The following SLC35F3 variants were observed in gnomAD, a reference collection of about 807,000 sequenced individuals.
SLC35F3 encodes putative thiamine transporter SLC35F3.
Under a neutral mutation model 49.9 loss-of-function variants are expected in SLC35F3, and 25 were observed. The observed-to-expected ratio is 0.50, with a 90% CI of 0.37 to 0.70. The LOEUF (loss-of-function observed/expected upper bound fraction) is 0.70. SLC35F3 is among the 30% of genes least tolerant of loss of function. The pLI is 0.00. For synonymous variants in SLC35F3, 275 were observed against 265.4 expected, an observed-to-expected ratio of 1.04 and a Z score of -0.35; for missense variants, 525 against 639.8, an observed-to-expected ratio of 0.82 and a Z score of 1.94.
intron 2 of SLC35F3, among the ~76,000 whole-genome samples, chr1:234,176,020 G>A (rs557372957): frequency 2.0e-5 from 3 of 152,302 alleles, no homozygotes; most frequent in African/African-American, 7.2e-5. Flanking sequence ...CCTCAAAAGT[G>A]CTTGCCAACA....
At chr1:233,990,114 A>G (rs1368851857) in intron 2 of SLC35F3, among the ~76,000 whole-genome samples, 1 of 152,200 alleles carries the variant, frequency 6.6e-6, no homozygotes, top group Non-Finnish European at 1.5e-5. Flanking sequence ...TTGTACTAGT[A>G]ATAAAGAAAA....
intron 2 of SLC35F3, among the ~76,000 whole-genome samples, chr1:233,982,993 G>C (rs534970067): frequency 6.6e-6 from 1 of 152,146 alleles, no homozygotes; most frequent in Non-Finnish European, 1.5e-5. Flanking sequence ...AGGAGCAGGC[G>C]CGTGCCAGGT....
chr1:234,247,946 C>T (rs1667667856), intron 3 of SLC35F3, among the ~76,000 whole-genome samples: 1 of 152,124 alleles, frequency 6.6e-6, no homozygotes, highest in Non-Finnish European at 1.5e-5. Flanking sequence ...TTGGTTGGTC[C>T]ATTGCTTGGT....
intron 2 of SLC35F3, among the ~76,000 whole-genome samples, chr1:234,177,399 C>T (rs1001349599): frequency 6.6e-6 from 1 of 152,178 alleles, no homozygotes; most frequent in Non-Finnish European, 1.5e-5. Context: ...GAGGGAAGCA[C>T]CTCCAAGCCA....
Position 234,323,310 on chromosome 1 carries a change from G to T in SLC35F3, c.*67G>T. 1 of 1,419,478 alleles carries T rather than the reference G, an allele frequency of 7.0e-7. No individual in the cohort carries two copies. The highest frequency in any genetic ancestry group is 1.2e-5 in the South Asian group (1 of 80,732). The allele number at this position is 1,419,478 out of a possible 1,614,324, so 87.9% of individuals were successfully genotyped here. ...ATTCCTGCCGGGAGGAACCTCAGTT[G>T]GGTAAGGTGTACATACCTGTACAGT... On this transcript the variant is annotated 3_prime_UTR_variant, in exon 8 of 8. Coordinates refer to ENST00000366618, the MANE Select transcript of SLC35F3 (RefSeq NM_173508.4). This position sits in a 1 kb window ranked among gnomAD's most constrained non-coding sequence, Gnocchi z 4.5.
intron 2 of SLC35F3, among the ~76,000 whole-genome samples, chr1:234,015,599 A>G (rs1396186580): frequency 1.3e-5 from 2 of 152,188 alleles, no homozygotes; most frequent in African/African-American, 4.8e-5. Flanking sequence ...GGAAAACTGG[A>G]TATCTACATG....
chr1:234,112,617 G>A (rs1025585391), intron 2 of SLC35F3, among the ~76,000 whole-genome samples: 1 of 139,948 alleles, frequency 7.1e-6, no homozygotes, highest in African/African-American at 2.6e-5. Context: ...GTGCAGTGCC[G>A]CTATCTCGGC....
chr1:234,231,778 G>C lies in SLC35F3; in HGVS notation c.608+37G>C, dbSNP rs1044645451. Reference sequence around the variant, plus strand: ...CTGCATGAGGAGGCCTCCTGACCCCGGGCTGCTCCATCCAGCGCTGACTCT... The same window carrying C: ...CTGCATGAGGAGGCCTCCTGACCCCCGGCTGCTCCATCCAGCGCTGACTCT... On this transcript the variant is annotated intron_variant, in intron 3 of 7. Coordinates refer to ENST00000366618, the MANE Select transcript of SLC35F3 (RefSeq NM_173508.4). This position sits in a 1 kb window ranked among gnomAD's most constrained non-coding sequence, Gnocchi z 5.4. 1.9e-6 allele frequency: 3 copies of C among 1,560,948 alleles called. No individual in the cohort carries two copies. Among genetic ancestry groups the C allele is most frequent in the Non-Finnish European group, 1.7e-6 (2 of 1,147,784 alleles).
chr1:234,202,188 G>A (rs1036647917), intron 2 of SLC35F3, among the ~76,000 whole-genome samples: 23 of 152,160 alleles, frequency 1.5e-4, no homozygotes, highest in African/African-American at 5.3e-4. Context: ...CTTATAAGTC[G>A]GAACTGAATG....
rs616215 is a variant in SLC35F3, at chr1:234,226,958, C to T, written c.284-4459C>T. On this transcript the variant is annotated intron_variant, in intron 2 of 7. Coordinates refer to ENST00000366618, the MANE Select transcript of SLC35F3 (RefSeq NM_173508.4). ...CCCCCTGCACTGGCGTGCGCGCACGCGTGCACACACACACACACACACACA... is the reference window on the plus strand; with the variant it reads ...CCCCCTGCACTGGCGTGCGCGCACGTGTGCACACACACACACACACACACA... 6.5e-3 allele frequency among the ~76,000 whole-genome samples: 904 copies of T among 139,008 alleles called. 9 individuals carry two copies. Among genetic ancestry groups the T allele is most frequent in the African/African-American group, 0.021 (755 of 35,842 alleles). 91.2% of individuals were successfully genotyped at this position (139,008 alleles called of 152,430 possible). A position where few individuals can be genotyped will look rare whatever the true frequency, so the allele number is the denominator to read the frequency against.
chr1:234,288,035 C>T (rs1668451197), intron 3 of SLC35F3, among the ~76,000 whole-genome samples: 1 of 151,924 alleles, frequency 6.6e-6, no homozygotes. Context: ...TACAGGTGTG[C>T]ATCACCACAC....
intron 2 of SLC35F3, among the ~76,000 whole-genome samples, chr1:234,006,067 T>G (rs1259505204): frequency 6.6e-6 from 1 of 152,182 alleles, no homozygotes; most frequent in Non-Finnish European, 1.5e-5. Flanking sequence ...AGAAACAGAA[T>G]TAAAGAGTTT....
intron 2 of SLC35F3, among the ~76,000 whole-genome samples, chr1:233,995,161 T>G (rs1486199962): frequency 6.6e-6 from 1 of 152,172 alleles, no homozygotes; most frequent in Non-Finnish European, 1.5e-5. Context: ...ATGGGAGATA[T>G]GGGATTAAAA....
intron 2 of SLC35F3, among the ~76,000 whole-genome samples, chr1:234,161,230 G>A (rs1666222664): frequency 1.3e-5 from 2 of 152,186 alleles, no homozygotes; most frequent in Non-Finnish European, 2.9e-5. Flanking sequence ...TCTCACAATG[G>A]CCTTCCGAGG....
intron 2 of SLC35F3, among the ~76,000 whole-genome samples, chr1:234,039,521 G>A (rs1664190451): frequency 6.6e-6 from 1 of 152,214 alleles, no homozygotes; most frequent in African/African-American, 2.4e-5. Flanking sequence ...AAATTGCTGA[G>A]TGAGAAAGTG....
intron 3 of SLC35F3, among the ~76,000 whole-genome samples, chr1:234,277,988 G>T (rs566898420): frequency 1.3e-5 from 2 of 152,248 alleles, no homozygotes; most frequent in South Asian, 4.1e-4. Flanking sequence ...AAGCCAAGGA[G>T]TATACAACCA....
At chr1:233,969,409 C>A (rs887736127) in intron 2 of SLC35F3, among the ~76,000 whole-genome samples, 1 of 152,206 alleles carries the variant, frequency 6.6e-6, no homozygotes, top group Non-Finnish European at 1.5e-5. Flanking sequence ...GGTGCCTCCT[C>A]ATCTTAGCGC....
intron 2 of SLC35F3, among the ~76,000 whole-genome samples, chr1:234,185,726 T>A (rs536984021): frequency 6.6e-6 from 1 of 152,144 alleles, no homozygotes; most frequent in South Asian, 2.1e-4. Context: ...GGACCTAAGG[T>A]ATTGATTCTG....
At chr1:233,910,040 C>G (rs1297560536) in intron 2 of SLC35F3, among the ~76,000 whole-genome samples, 1 of 152,220 alleles carries the variant, frequency 6.6e-6, no homozygotes, top group Non-Finnish European at 1.5e-5. Context: ...AGAGCCTGTT[C>G]CTTCTGCAGC....
Sources: allele counts gnomAD v4.1 joint callset (sites outside exome capture counted in the v4.1 genomes callset), GRCh38; gene constraint gnomAD v4.1.1; non-coding constraint Gnocchi (gnomAD v3.1); transcripts MANE v1.5; gene names NCBI Gene and HGNC (gene_info 2026-07-23, HGNC 2026-07-21).